GTF2IRD1: variants seen among roughly 807,000 people sequenced by gnomAD.
The protein encoded by GTF2IRD1 is general transcription factor II-I repeat domain-containing protein 1.
A neutral mutation model predicts 113.2 loss-of-function variants in GTF2IRD1; 26 were observed. That is an observed-to-expected ratio of 0.23 (90% confidence interval 0.17 to 0.32). The LOEUF is 0.32. GTF2IRD1 is among the 10% of genes least tolerant of loss of function. GTF2IRD1 has a pLI of 1.00. For synonymous variants in GTF2IRD1, 484 were observed against 529.1 expected (o/e 0.91, Z 1.17); for missense variants, 864 against 1,280.8 (o/e 0.67, Z 4.97).
chr7:74,596,002 CG>C (rs1271180779), intron 25 of GTF2IRD1: 1 of 152,124 alleles, frequency 6.6e-6, no homozygotes, highest in Non-Finnish European at 1.5e-5. Flanking sequence ...AAAGTACTCC[CG>C]GGTGACTATG....
chr7:74,562,550 G>T (rs1438888237), intron 22 of GTF2IRD1, among the ~76,000 whole-genome samples: 2 of 121,234 alleles, frequency 1.6e-5, no homozygotes, highest in Admixed American at 9.2e-5. Context: ...TCCGCCAATT[G>T]CCCTCTTTTT....
intron 9 of GTF2IRD1, among the ~76,000 whole-genome samples, chr7:74,531,424 A>G (rs1447550243): frequency 6.6e-6 from 1 of 152,204 alleles, no homozygotes; most frequent in Non-Finnish European, 1.5e-5. Flanking sequence ...CATGCCTCAT[A>G]GTGTTGATCG....
chr7:74,496,930 G>C (rs1795770065), intron 1 of GTF2IRD1, among the ~76,000 whole-genome samples: 1 of 152,164 alleles, frequency 6.6e-6, no homozygotes, highest in South Asian at 2.1e-4. Flanking sequence ...GGGAGGCTGA[G>C]GTGGGAGGAT....
At chr7:74,476,378 C>CTTTTTTTTTT (rs1794409030) in intron 1 of GTF2IRD1, among the ~76,000 whole-genome samples, 3 of 89,286 alleles carry the variant, frequency 3.4e-5, no homozygotes, top group Non-Finnish European at 6.9e-5. Context: ...TTTTTTTTTT[C>CTTTTTTTTTT]TTTTGAGACG....
intron 26 of GTF2IRD1, 29 bp downstream of exon 26, chr7:74,601,209 A>G: frequency 1.3e-6 from 2 of 1,556,386 alleles, no homozygotes; most frequent in Non-Finnish European, 1.7e-6. Context: ...GGACTCCGGC[A>G]CTCATCTCTG....
intron 7 of GTF2IRD1, among the ~76,000 whole-genome samples, chr7:74,523,208 G>C (rs587764088): frequency 2.0e-5 from 3 of 152,170 alleles, no homozygotes; most frequent in African/African-American, 4.8e-5. Flanking sequence ...AACAGAGTGA[G>C]ACCCTGTCTG....
At position 74,551,842 on chromosome 7, in the gene GTF2IRD1, AGG is replaced by A. The variant is rs1554355130; in HGVS notation, c.1917-3331_1917-3330del. Among the ~76,000 whole-genome samples, 3 of 152,078 alleles carry A rather than the reference AGG, an allele frequency of 2.0e-5. No individual in the cohort carries two copies. In the East Asian group the frequency reaches 5.8e-4, roughly 30 times the overall value. ...TCCCAGCTACTCGGGAGGCTGAGGC[AGG>A]AGAATCACTTGAACCTGGGAGGTGG... On this transcript the variant is annotated intron_variant, in intron 17 of 26. Coordinates refer to ENST00000424337, the MANE Select transcript of GTF2IRD1 (RefSeq NM_005685.4).
intron 1 of GTF2IRD1, among the ~76,000 whole-genome samples, chr7:74,481,409 T>C (rs1430024169): frequency 6.6e-6 from 1 of 152,208 alleles, no homozygotes; most frequent in East Asian, 1.9e-4. Flanking sequence ...CTCCTGCTTC[T>C]CTGGCTCCCA....
Position 74,595,536 on chromosome 7 carries a change from T to A in GTF2IRD1, c.2629+485T>A, listed in dbSNP as rs587625059. On this transcript the variant is annotated intron_variant, in intron 25 of 26. Coordinates refer to ENST00000424337, the MANE Select transcript of GTF2IRD1 (RefSeq NM_005685.4). ...AGACCCTGTCTCTAAAAAAAAAAAA[T>A]TTCATAAAAAAATTTTTTAAAGGCA... is the stretch of plus-strand genomic sequence containing the variant. Among the ~76,000 whole-genome samples the A allele has an allele frequency of 3.4e-4, 52 of 150,890 alleles. No individual in the cohort carries two copies. The East Asian group carries it at 9.6e-3, about 28-fold the overall frequency.
intron 17 of GTF2IRD1, among the ~76,000 whole-genome samples, chr7:74,547,763 T>TA (rs1799039186): frequency 6.8e-6 from 1 of 146,710 alleles, no homozygotes; most frequent in Non-Finnish European, 1.5e-5. Flanking sequence ...CTCTTTTTTT[T>TA]TTTTTTTTTT....
intron 22 of GTF2IRD1, among the ~76,000 whole-genome samples, chr7:74,567,848 T>C (rs1800417816): frequency 1.3e-5 from 2 of 152,138 alleles, no homozygotes; most frequent in South Asian, 2.1e-4. Context: ...TGCAGTGGCG[T>C]GATCTCGGCT....
intron 1 of GTF2IRD1, among the ~76,000 whole-genome samples, chr7:74,455,693 G>A (rs1792921944): frequency 6.6e-6 from 1 of 152,172 alleles, no homozygotes; most frequent in Non-Finnish European, 1.5e-5. Context: ...GCGGACCAAG[G>A]GACAGGCTTG....
At chr7:74,470,825 A>G (rs1794038971) in intron 1 of GTF2IRD1, among the ~76,000 whole-genome samples, 1 of 151,602 alleles carries the variant, frequency 6.6e-6, no homozygotes, top group Non-Finnish European at 1.5e-5. Context: ...TTTTTTCGAG[A>G]CGGAGCCTTG....
At position 74,576,299 on chromosome 7, in the gene GTF2IRD1, G is replaced by A. The variant is rs756616308; in HGVS notation, c.2321-13552G>A. 1.4e-3 allele frequency among the ~76,000 whole-genome samples: 213 copies of A among 152,024 alleles called. 1 individual carries two copies. Among genetic ancestry groups the A allele is most frequent in the Non-Finnish European group, 2.4e-3 (161 of 67,990 alleles). ...TCAGGGGCCAGGTGCAGTGGCTCAC[G>A]ACTGTAATCCTAGCACTTCGGGAGG... On this transcript the variant is annotated intron_variant, in intron 22 of 26. Coordinates refer to ENST00000424337, the MANE Select transcript of GTF2IRD1 (RefSeq NM_005685.4).
intron 14 of GTF2IRD1, 108 bp from the exon 15 acceptor site, chr7:74,544,647 G>C (rs745605271): frequency 2.0e-5 from 22 of 1,095,568 alleles, no homozygotes; most frequent in Non-Finnish European, 2.2e-5. Context: ...ATGCTTCAGA[G>C]TTGGGGCCCC....
chr7:74,521,329 G>C (rs1287839362), intron 7 of GTF2IRD1, 32 bp downstream of exon 7: 2 of 1,316,590 alleles, frequency 1.5e-6, no homozygotes, highest in African/African-American at 2.9e-5. Flanking sequence ...ACCCCGGCCT[G>C]AGTGGGAATC....
chr7:74,602,001 G>A, intron 26 of GTF2IRD1: 1 of 170,624 alleles, frequency 5.9e-6, no homozygotes, highest in Non-Finnish European at 1.3e-5. Flanking sequence ...AGCACTTTGG[G>A]AGGCCGAGGC....
chr7:74,567,193 T>C (rs1481122546), intron 22 of GTF2IRD1, among the ~76,000 whole-genome samples: 1 of 152,030 alleles, frequency 6.6e-6, no homozygotes, highest in African/African-American at 2.4e-5. Context: ...CTGGGCATGG[T>C]GGCGCATGCC....
intron 25 of GTF2IRD1, among the ~76,000 whole-genome samples, chr7:74,598,921 C>A (rs1299222083): frequency 6.6e-6 from 1 of 152,176 alleles, no homozygotes; most frequent in Non-Finnish European, 1.5e-5. Context: ...TCACCACAGA[C>A]CCCCAGTTTC....
Sources: allele counts gnomAD v4.1 joint callset (sites outside exome capture counted in the v4.1 genomes callset), GRCh38; gene constraint gnomAD v4.1.1; transcripts MANE v1.5; gene names NCBI Gene and HGNC (gene_info 2026-07-23, HGNC 2026-07-21).